Variants in DACH2 observed in about 807,000 individuals in gnomAD.
The protein encoded by DACH2 is dachshund family transcription factor 2.
DACH2 carries 17 observed loss-of-function variants against 35.8 expected under a neutral mutation model. That is an observed-to-expected ratio of 0.48 (90% CI 0.33 to 0.71). The LOEUF (loss-of-function observed/expected upper bound fraction) is 0.71, where lower values mean the gene tolerates loss of function less well. Among genes scored for constraint, DACH2 ranks in the 30% least tolerant of loss-of-function variants. DACH2 has a pLI of 0.02. For synonymous variants in DACH2, 195 were observed against 177.3 expected (o/e 1.10, Z -0.79); for missense variants, 469 against 472.7 (o/e 0.99, Z 0.07).
intron 7 of DACH2, among the ~76,000 whole-genome samples, chrX:86,759,892 G>A (rs148939511): frequency 0.031 from 3,496 of 111,161 alleles, 134 homozygotes; most frequent in African/African-American, 0.11. Context: ...ATTTGTTGTC[G>A]GGACAGTATA....
chrX:86,479,886 CT>C (rs1280509462), intron 2 of DACH2, among the ~76,000 whole-genome samples: 1 of 112,292 alleles, frequency 8.9e-6, no homozygotes, highest in Non-Finnish European at 1.9e-5. Flanking sequence ...TCTGCGTTAT[CT>C]TAAATTTCTA....
chrX:86,360,815 A>G (rs1377988637), intron 1 of DACH2, among the ~76,000 whole-genome samples: 1 of 110,885 alleles, frequency 9.0e-6, no homozygotes, highest in Non-Finnish European at 1.9e-5. Context: ...TTGCCCTAAT[A>G]GCATTAAGGG....
intron 2 of DACH2, among the ~76,000 whole-genome samples, chrX:86,473,237 G>A (rs898071656): frequency 3.3e-4 from 36 of 110,478 alleles, no homozygotes; most frequent in African/African-American, 1.1e-3. Context: ...TAATTTTTAT[G>A]GGTACATAGT....
chrX:86,160,638 C>G, intron 1 of DACH2: 1 of 501,317 alleles, frequency 2.0e-6, no homozygotes, highest in Non-Finnish European at 3.6e-6. Flanking sequence ...TTTTTGCTGT[C>G]ACCAGCAATG....
At chrX:86,259,066 T>C (rs1465923276) in intron 1 of DACH2, among the ~76,000 whole-genome samples, 1 of 111,907 alleles carries the variant, frequency 8.9e-6, no homozygotes, top group Non-Finnish European at 1.9e-5. Context: ...GAAACATGAA[T>C]AAATGGAAAC....
intron 2 of DACH2, among the ~76,000 whole-genome samples, chrX:86,477,947 CAAAA>C (rs753150467): frequency 9.1e-6 from 1 of 110,202 alleles, no homozygotes; most frequent in Non-Finnish European, 1.9e-5. Context: ...AACAAAGAGA[CAAAA>C]AAAAGGAACA....
chrX:86,784,377 A>C (rs1259938521), intron 7 of DACH2, among the ~76,000 whole-genome samples: 1 of 111,548 alleles, frequency 9.0e-6, no homozygotes, highest in African/African-American at 3.3e-5. Context: ...ATGAAAAAAA[A>C]ATGCTCAACA....
chrX:86,758,135 C>T (rs1297332261), intron 7 of DACH2, among the ~76,000 whole-genome samples: 2 of 110,836 alleles, frequency 1.8e-5, no homozygotes, highest in African/African-American at 3.3e-5. Flanking sequence ...TTTGTTTCTT[C>T]GGGTCTTCTC....
chrX:86,759,442 A>C (rs1004011790), intron 7 of DACH2, among the ~76,000 whole-genome samples: 8 of 110,273 alleles, frequency 7.3e-5, no homozygotes, highest in Non-Finnish European at 1.3e-4. Flanking sequence ...AGCTACTCCT[A>C]CTTGCTTTTG....
intron 1 of DACH2, among the ~76,000 whole-genome samples, chrX:86,190,742 CA>C (rs1176937312): frequency 4.5e-5 from 5 of 111,024 alleles, no homozygotes; most frequent in African/African-American, 6.6e-5. Flanking sequence ...GTCGGGAGTT[CA>C]AGACCAGCCT....
intron 7 of DACH2, among the ~76,000 whole-genome samples, chrX:86,804,109 T>C (rs1405883703): frequency 8.9e-6 from 1 of 112,173 alleles, no homozygotes; most frequent in African/African-American, 3.2e-5. Context: ...CATTCTTGCA[T>C]TGCTATAACA....
chrX:86,232,298 G>T (rs2032965607), intron 1 of DACH2, among the ~76,000 whole-genome samples: 1 of 112,093 alleles, frequency 8.9e-6, no homozygotes, highest in African/African-American at 3.2e-5. Context: ...AACTGGCAAA[G>T]ATTTCATGAC....
chrX:86,813,291 G>A lies in DACH2; in HGVS notation c.1537+14G>A. 8.5e-7 allele frequency: 1 copy of A among 1,180,102 alleles called. No individual in the cohort carries two copies. The highest frequency in any genetic ancestry group is 1.1e-6 in the Non-Finnish European group (1 of 878,685). On this transcript the variant is annotated intron_variant, in intron 9 of 11. Transcript: ENST00000373125. ...TTCAAAGCAGAAGTAAGTTTTACAA[G>A]TTCAATTACAGAGTGAATATTATGT...
chrX:86,601,845 T>C (rs1406342890), intron 3 of DACH2, among the ~76,000 whole-genome samples: 1 of 112,203 alleles, frequency 8.9e-6, no homozygotes, highest in Non-Finnish European at 1.9e-5. Flanking sequence ...GGGTCTTTTA[T>C]TGGAAACTGC....
intron 1 of DACH2, among the ~76,000 whole-genome samples, chrX:86,318,340 C>T (rs2034952703): frequency 9.0e-6 from 1 of 111,213 alleles, no homozygotes; most frequent in Admixed American, 9.6e-5. Context: ...TTTATGAGTC[C>T]TGTACATTTT....
intron 2 of DACH2, among the ~76,000 whole-genome samples, chrX:86,434,476 A>G (rs1020577938): frequency 1.8e-5 from 2 of 112,031 alleles, no homozygotes; most frequent in East Asian, 2.8e-4. Context: ...TTGATGGCTC[A>G]TTTCTCTTAT....
At chrX:86,521,235 C>T (rs897844493) in intron 3 of DACH2, among the ~76,000 whole-genome samples, 8 of 111,706 alleles carry the variant, frequency 7.2e-5, no homozygotes, top group Non-Finnish European at 1.5e-4. Context: ...GCTTCCAATT[C>T]CTTCTGGCTT....
chrX:86,505,635 T>TA (rs79321926), intron 2 of DACH2, among the ~76,000 whole-genome samples: 36,810 of 110,828 alleles, frequency 0.33, 4,794 homozygotes, highest in East Asian at 0.54. Context: ...TTAAGTTGTT[T>TA]AGCACTTGTA....
intron 3 of DACH2, among the ~76,000 whole-genome samples, chrX:86,543,891 C>G (rs972058685): frequency 9.5e-6 from 1 of 105,254 alleles, no homozygotes; most frequent in Middle Eastern, 4.4e-3. Context: ...TGCTAGATGA[C>G]GAGTTAGTGG....
Sources: allele counts gnomAD v4.1 joint callset (sites outside exome capture counted in the v4.1 genomes callset), GRCh38; gene constraint gnomAD v4.1.1; transcripts MANE v1.5; gene names NCBI Gene and HGNC (gene_info 2026-07-23, HGNC 2026-07-21).